The following MARCHF7 variants were observed in gnomAD, a reference collection of about 807,000 sequenced individuals.
MARCHF7 encodes the protein E3 ubiquitin-protein ligase MARCHF7.
In MARCHF7, 20 loss-of-function variants were observed where a neutral mutation model predicts 76.5. The ratio of observed to expected loss-of-function variants is 0.26; its 90% CI spans 0.18 to 0.38. MARCHF7 has a LOEUF of 0.38. Among genes scored for constraint, MARCHF7 ranks in the 10% least tolerant of loss-of-function variants. The pLI is 1.00. For missense variants in MARCHF7, 797 were observed against 812.9 expected, an observed-to-expected ratio of 0.98 and a Z score of 0.24; for synonymous variants, 295 against 293.0, an observed-to-expected ratio of 1.01 and a Z score of -0.07.
At chr2:159,740,700 G>A (rs1412949668) in intron 4 of MARCHF7, among the ~76,000 whole-genome samples, 19 of 152,162 alleles carry the variant, frequency 1.2e-4, no homozygotes, top group Non-Finnish European at 1.5e-5. Flanking sequence ...CTAAGTTTGT[G>A]CTAAGCTGAA....
At chr2:159,764,255 T>TGCGCGCGCGCGC (rs1553788076) in intron 10 of MARCHF7, among the ~76,000 whole-genome samples, 1 of 131,370 alleles carries the variant, frequency 7.6e-6, no homozygotes, top group South Asian at 2.4e-4. Context: ...TGTGTGTGTG[T>TGCGCGCGCGCGC]GCGCGCGCCC....
intron 4 of MARCHF7, among the ~76,000 whole-genome samples, chr2:159,739,522 G>A (rs1205893086): frequency 4.6e-5 from 7 of 152,142 alleles, no homozygotes; most frequent in East Asian, 1.9e-4. Context: ...TTAAGGATTC[G>A]TCATGCCCAA....
At chr2:159,736,296 C>G (rs920941626) in intron 4 of MARCHF7, among the ~76,000 whole-genome samples, 1 of 152,210 alleles carries the variant, frequency 6.6e-6, no homozygotes, top group African/African-American at 2.4e-5. Flanking sequence ...CTTTCTGATT[C>G]TAGCCATCCC....
chr2:159,749,724 G>C (rs1705380357), intron 7 of MARCHF7, among the ~76,000 whole-genome samples: 1 of 134,052 alleles, frequency 7.5e-6, no homozygotes, highest in African/African-American at 2.8e-5. Context: ...CTGAAGGTAG[G>C]CAATGGTTGG....
At chr2:159,740,191 T>G (rs1207508086) in intron 4 of MARCHF7, among the ~76,000 whole-genome samples, 1 of 152,224 alleles carries the variant, frequency 6.6e-6, no homozygotes, top group Admixed American at 6.5e-5. Context: ...TGTTCATCTA[T>G]TTCGTCTTCC....
At chr2:159,729,275 C>A in intron 4 of MARCHF7, 100 bp downstream of exon 4, 3 of 846,836 alleles carry the variant, frequency 3.5e-6, no homozygotes, top group Non-Finnish European at 5.1e-6. Context: ...GGATCTGAGG[C>A]ATCCTGTAAT....
intron 3 of MARCHF7, among the ~76,000 whole-genome samples, chr2:159,722,186 G>C (rs945276814): frequency 2.6e-5 from 4 of 151,884 alleles, no homozygotes; most frequent in Admixed American, 1.3e-4. Context: ...GCCCAGGCTG[G>C]TGTGCAGTGG....
At chr2:159,753,693 T>C (rs1048011731) in intron 8 of MARCHF7, among the ~76,000 whole-genome samples, 4 of 152,214 alleles carry the variant, frequency 2.6e-5, no homozygotes, top group African/African-American at 9.6e-5. Context: ...ATTTGGCTGC[T>C]TTGTGGAGAA....
intron 10 of MARCHF7, among the ~76,000 whole-genome samples, chr2:159,763,962 C>T (rs1707408269): frequency 6.6e-6 from 1 of 152,214 alleles, no homozygotes; most frequent in Middle Eastern, 3.4e-3. Context: ...TTGTGAGCCC[C>T]TAAAACCTTA....
chr2:159,759,465 CATA>C, intron 9 of MARCHF7, 130 bp downstream of exon 9: 1 of 429,776 alleles, frequency 2.3e-6, no homozygotes, highest in Non-Finnish European at 4.2e-6. Flanking sequence ...ATGTTCTTAA[CATA>C]ATTCTGTTAC....
At position 159,752,589 on chromosome 2, in the gene MARCHF7, G is replaced by A; in HGVS notation, c.1783+18G>A. ...TAACTCTGGTAAGATTTACCCTTTT[G>A]TGTTTTCACAATTTTTCTAAGAGAT... On this transcript the variant is annotated intron_variant, in intron 8 of 11. Transcript: ENST00000409175. 1.4e-6 allele frequency: 2 copies of A among 1,444,480 alleles called. No individual in the cohort carries two copies. The highest frequency in any genetic ancestry group is 1.8e-6 in the Non-Finnish European group (2 of 1,091,720). 89.5% of individuals were successfully genotyped at this position (1,444,480 alleles called of 1,614,324 possible).
At chr2:159,744,670 T>C (rs914652712) in intron 5 of MARCHF7, among the ~76,000 whole-genome samples, 1 of 152,228 alleles carries the variant, frequency 6.6e-6, no homozygotes, top group Admixed American at 6.5e-5. Flanking sequence ...CGTGCCTATC[T>C]GAAGGATATT....
intron 8 of MARCHF7, among the ~76,000 whole-genome samples, chr2:159,757,865 G>T (rs757332114): frequency 5.3e-5 from 8 of 152,170 alleles, no homozygotes; most frequent in Non-Finnish European, 1.0e-4. Flanking sequence ...TGAAAACTCA[G>T]TGTAATTTGA....
At chr2:159,747,723 C>T (rs1271883685) in intron 6 of MARCHF7, 82 bp from the exon 7 acceptor site, 31 of 1,334,116 alleles carry the variant, frequency 2.3e-5, no homozygotes, top group East Asian at 7.0e-5. Flanking sequence ...TCCAGTGCTT[C>T]GTTTTGGCAT....
intron 8 of MARCHF7, among the ~76,000 whole-genome samples, chr2:159,757,731 A>G (rs1047522408): frequency 9.9e-5 from 15 of 152,244 alleles, no homozygotes; most frequent in African/African-American, 3.4e-4. Flanking sequence ...TCCATAGAGG[A>G]AGAAAATGAA....
intron 7 of MARCHF7, among the ~76,000 whole-genome samples, chr2:159,749,478 G>T (rs1480620356): frequency 6.6e-6 from 1 of 151,970 alleles, no homozygotes; most frequent in African/African-American, 2.4e-5. Context: ...CTCCCAAGTA[G>T]CTGGGATTAC....
Position 159,748,285 on chromosome 2 carries a change from C to T in MARCHF7, c.995C>T (p.Ser332Leu), listed in dbSNP as rs1375322991. Reference protein sequence around the residue: ...TASQSRSNVPSASEVPDNRAS... With the variant: ...TASQSRSNVPLASEVPDNRAS... ...TCACAGTCCCGTAGTAATGTACCAT[C>T]AGCTTCTGAAGTTCCCGATAATAGG... Residue 332 changes from serine to leucine, a missense_variant, in exon 7 of 12, where the codon TCA becomes TTA. By Grantham distance (145) the Ser-to-Leu change is moderately radical (BLOSUM62 -2). Around this residue, in one of 3 missense-constraint regions of MARCHF7, gnomAD observed 643 missense variants for 631.5 expected, o/e 1.02. Coordinates refer to ENST00000409175, the MANE Select transcript of MARCHF7 (RefSeq NM_001282805.2). 2 of 1,613,296 alleles carry T rather than the reference C, an allele frequency of 1.2e-6. No homozygotes were observed. The highest frequency in any genetic ancestry group is 1.7e-6 in the Non-Finnish European group (2 of 1,179,940).
At chr2:159,732,660 G>A (rs887757526) in intron 4 of MARCHF7, among the ~76,000 whole-genome samples, 7 of 151,984 alleles carry the variant, frequency 4.6e-5, no homozygotes, top group Non-Finnish European at 7.4e-5. Flanking sequence ...CTACAGATGC[G>A]CAGCCCCCTG....
At chr2:159,726,622 G>A (rs1574235311) in intron 3 of MARCHF7, among the ~76,000 whole-genome samples, 1 of 152,008 alleles carries the variant, frequency 6.6e-6, no homozygotes, top group African/African-American at 2.4e-5. Flanking sequence ...CCCCCAACCT[G>A]TTGTTATTTT....
Sources: allele counts gnomAD v4.1 joint callset (sites outside exome capture counted in the v4.1 genomes callset), GRCh38; gene constraint gnomAD v4.1.1; regional missense constraint gnomAD v4.1.1; transcripts MANE v1.5; gene names NCBI Gene and HGNC (gene_info 2026-07-23, HGNC 2026-07-21).